The following HSDL2 variants were observed in gnomAD, a reference collection of about 807,000 sequenced individuals.
HSDL2 encodes the protein hydroxysteroid dehydrogenase-like protein 2.
Under a neutral mutation model 46.3 loss-of-function variants are expected in HSDL2, and 27 were observed. That is an observed-to-expected ratio of 0.58 (90% CI 0.43 to 0.80). HSDL2 has a LOEUF of 0.80. Ranked by LOEUF, HSDL2 falls within the 30% of genes least tolerant of loss-of-function variation. The probability of loss-of-function intolerance (pLI) is 0.00; values close to 1 mark genes in which losing one functional copy is unlikely to be tolerated. For missense variants in HSDL2, 451 were observed against 502.7 expected, an observed-to-expected ratio of 0.90 and a Z score of 0.98; for synonymous variants, 153 against 163.6, an observed-to-expected ratio of 0.94 and a Z score of 0.50.
chr9:112,388,532 G>C (rs2132595030), intron 1 of HSDL2, among the ~76,000 whole-genome samples: 1 of 151,026 alleles, frequency 6.6e-6, no homozygotes, highest in Admixed American at 6.6e-5. Flanking sequence ...TGGGAACCTA[G>C]GTGGGTGGAT....
chr9:112,393,852 T>C (rs1365662913), intron 1 of HSDL2, among the ~76,000 whole-genome samples: 1 of 152,200 alleles, frequency 6.6e-6, no homozygotes, highest in East Asian at 1.9e-4. Context: ...TTCATCCAAA[T>C]TTTGATATTT....
chr9:112,426,380 C>A (rs1054873307), intron 6 of HSDL2, among the ~76,000 whole-genome samples: 1 of 152,006 alleles, frequency 6.6e-6, no homozygotes, highest in African/African-American at 2.4e-5. Context: ...GGACTTCAGG[C>A]GCCTTTCACT....
chr9:112,451,594 C>G (rs1832886350), intron 8 of HSDL2, among the ~76,000 whole-genome samples: 1 of 152,206 alleles, frequency 6.6e-6, no homozygotes, highest in African/African-American at 2.4e-5. Flanking sequence ...GAACCCATCA[C>G]TTCTCGACTT....
chr9:112,422,459 G>A lies in HSDL2; in HGVS notation c.598+3501G>A, dbSNP rs78843044. 9.5e-4 allele frequency among the ~76,000 whole-genome samples: 144 copies of A among 152,296 alleles called. No homozygotes were observed. The East Asian group carries it at 0.025, about 27-fold the overall frequency. ...TGCTCTCTGGAACTAAAAATAGATT[G>A]TGTTTTTAAAATATACATATATATG... On this transcript the variant is annotated intron_variant, in intron 6 of 10. Coordinates refer to ENST00000398805, the MANE Select transcript of HSDL2 (RefSeq NM_032303.5).
At chr9:112,399,263 G>A (rs985710145) in intron 1 of HSDL2, among the ~76,000 whole-genome samples, 1 of 152,132 alleles carries the variant, frequency 6.6e-6, no homozygotes, top group African/African-American at 2.4e-5. Context: ...AGACCAGCAA[G>A]GTTTTATTAA....
At chr9:112,411,146 A>G (rs1831855886) in intron 4 of HSDL2, among the ~76,000 whole-genome samples, 1 of 152,182 alleles carries the variant, frequency 6.6e-6, no homozygotes, top group Admixed American at 6.5e-5. Flanking sequence ...CTAACAAGTT[A>G]TATCATTGCA....
intron 10 of HSDL2, among the ~76,000 whole-genome samples, chr9:112,462,378 C>A (rs1451906834): frequency 6.6e-6 from 1 of 151,772 alleles, no homozygotes; most frequent in African/African-American, 2.4e-5. Flanking sequence ...GCATAAGAAT[C>A]GCCTGAACCT....
Position 112,392,386 on chromosome 9 carries a change from C to T in HSDL2, c.18-11609C>T, listed in dbSNP as rs143662110. Among the ~76,000 whole-genome samples the T allele has an allele frequency of 9.0e-3, 1,368 of 152,180 alleles. 25 individuals carry two copies. The highest frequency in any genetic ancestry group is 0.031 in the African/African-American group (1,272 of 41,518). ...GAGAACCGGTTGACCACAAATTTAC[C>T]AGGGCAGAGTTTTTCCTCACCCTAG... On this transcript the variant is annotated intron_variant, in intron 1 of 10. Transcript: ENST00000398805.
chr9:112,470,786 C>G lies in HSDL2; in HGVS notation c.*242C>G, dbSNP rs932840476. 1.5e-5 allele frequency: 4 copies of G among 269,882 alleles called. No homozygotes were observed. The highest frequency in any genetic ancestry group is 6.7e-5 in the African/African-American group (3 of 44,774). 16.7% of individuals were successfully genotyped at this position (269,882 alleles called of 1,614,324 possible). A position where few individuals can be genotyped will look rare whatever the true frequency, so the allele number is the denominator to read the frequency against. ...TGTTTTTATATTTCAAGGGTTTAACCCTTTGAGCCTTACATCTCATTCACT... is the reference window on the plus strand; with the variant it reads ...TGTTTTTATATTTCAAGGGTTTAACGCTTTGAGCCTTACATCTCATTCACT... On this transcript the variant is annotated 3_prime_UTR_variant, in exon 11 of 11. Transcript: ENST00000398805.
At chr9:112,381,008 C>T (rs1184819050) in intron 1 of HSDL2, among the ~76,000 whole-genome samples, 1 of 151,948 alleles carries the variant, frequency 6.6e-6, no homozygotes, top group African/African-American at 2.4e-5. Context: ...AAGTGAGTCT[C>T]CCCATCCCTA....
intron 8 of HSDL2, among the ~76,000 whole-genome samples, chr9:112,451,690 G>A (rs1832888209): frequency 6.6e-6 from 1 of 150,946 alleles, no homozygotes; most frequent in Non-Finnish European, 1.5e-5. Flanking sequence ...GTCTGGCTTG[G>A]TGTCATGGTA....
chr9:112,407,676 C>CA (rs1831761832), intron 3 of HSDL2, among the ~76,000 whole-genome samples: 2 of 152,194 alleles, frequency 1.3e-5, no homozygotes, highest in Admixed American at 1.3e-4. Flanking sequence ...CTCAACTTCT[C>CA]AAAGTGCTGG....
At chr9:112,414,752 CCACCT>C (rs1831954749) in intron 4 of HSDL2, among the ~76,000 whole-genome samples, 1 of 152,062 alleles carries the variant, frequency 6.6e-6, no homozygotes, top group African/African-American at 2.4e-5. Flanking sequence ...ATTGTTTGCC[CCACCT>C]CACCTCACCT....
At chr9:112,395,129 A>C (rs1328597181) in intron 1 of HSDL2, among the ~76,000 whole-genome samples, 1 of 152,142 alleles carries the variant, frequency 6.6e-6, no homozygotes, top group Non-Finnish European at 1.5e-5. Context: ...TGAGATTTTT[A>C]GGTTCGTAAG....
intron 2 of HSDL2, among the ~76,000 whole-genome samples, chr9:112,404,801 T>C (rs906767139): frequency 6.6e-6 from 1 of 152,228 alleles, no homozygotes; most frequent in Non-Finnish European, 1.5e-5. Context: ...TCAGTTGACA[T>C]TGCTAGTTTT....
chr9:112,425,267 T>TA (rs1491585834), intron 6 of HSDL2, among the ~76,000 whole-genome samples: 1 of 152,194 alleles, frequency 6.6e-6, no homozygotes, highest in Non-Finnish European at 1.5e-5. Flanking sequence ...AATGTTCCTA[T>TA]CTACTAAGTG....
rs188325059 is a variant in HSDL2, at chr9:112,406,539, C to T, written c.280+817C>T. 4.0e-3 allele frequency among the ~76,000 whole-genome samples: 606 copies of T among 151,692 alleles called. 5 individuals carry two copies. Among genetic ancestry groups the T allele is most frequent in the African/African-American group, 0.014 (584 of 41,410 alleles). On this transcript the variant is annotated intron_variant, in intron 3 of 10. Coordinates refer to ENST00000398805, the MANE Select transcript of HSDL2 (RefSeq NM_032303.5). ...AGGCTGGAGTGCAGTGGCGCAATCTCGGCTCACTGCAACCTCTGCCTCCTG... is the reference window on the plus strand; with the variant it reads ...AGGCTGGAGTGCAGTGGCGCAATCTTGGCTCACTGCAACCTCTGCCTCCTG...
At chr9:112,404,280 A>G (rs1831672902) in intron 2 of HSDL2, 122 bp downstream of exon 2, 1 of 931,742 alleles carries the variant, frequency 1.1e-6, no homozygotes, top group Non-Finnish European at 1.6e-6. Flanking sequence ...TATCTAGTGA[A>G]AGAAGTATTT....
Position 112,453,860 on chromosome 9 carries a change from G to A in HSDL2, c.866-153G>A, listed in dbSNP as rs141429159. On this transcript the variant is annotated intron_variant, in intron 8 of 10. Transcript: ENST00000398805. ...TGTTTGACTGTTATTCTGTCAATTT[G>A]ATTTATGCTTTTAGATGCCACTTAA... Among the ~76,000 whole-genome samples the A allele has an allele frequency of 6.1e-4, 93 of 152,242 alleles. 1 individual carries two copies. The highest frequency in any genetic ancestry group is 2.2e-3 in the African/African-American group (93 of 41,560).
Sources: allele counts gnomAD v4.1 joint callset (sites outside exome capture counted in the v4.1 genomes callset), GRCh38; gene constraint gnomAD v4.1.1; transcripts MANE v1.5; gene names NCBI Gene and HGNC (gene_info 2026-07-23, HGNC 2026-07-21).